Variants in PNKD observed in about 807,000 individuals in gnomAD.
PNKD encodes the protein PNKD metallo-beta-lactamase domain containing.
In PNKD, 36 loss-of-function variants were observed where a neutral mutation model predicts 45.3. The observed-to-expected ratio is 0.80, with a 90% CI of 0.61 to 1.05. The LOEUF (loss-of-function observed/expected upper bound fraction) is 1.05. PNKD is among the 50% of genes least tolerant of loss of function. PNKD has a pLI of 0.00. For missense variants in PNKD, 511 were observed against 506.6 expected, an observed-to-expected ratio of 1.01 and a Z score of -0.08; for synonymous variants, 197 against 210.1, an observed-to-expected ratio of 0.94 and a Z score of 0.54.
At chr2:218,283,902 C>T (rs1423410116) in intron 2 of PNKD, 1 of 152,224 alleles carries the variant, frequency 6.6e-6, no homozygotes, top group Non-Finnish European at 1.5e-5. Flanking sequence ...TGCGGTAACT[C>T]ACGCCTGTAA....
intron 2 of PNKD, among the ~76,000 whole-genome samples, chr2:218,315,800 A>T (rs976472837): frequency 6.6e-6 from 1 of 152,248 alleles, no homozygotes; most frequent in Non-Finnish European, 1.5e-5. Flanking sequence ...CTCATCCATC[A>T]TGTCTTTCCA....
At chr2:218,334,569 C>A in intron 2 of PNKD, 1 of 600,896 alleles carries the variant, frequency 1.7e-6, no homozygotes, top group South Asian at 2.0e-5. Flanking sequence ...GGGAGGATCG[C>A]TTGAGCCCAG....
intron 2 of PNKD, among the ~76,000 whole-genome samples, chr2:218,296,824 C>T (rs1693150621): frequency 2.0e-5 from 3 of 151,928 alleles, no homozygotes; most frequent in African/African-American, 7.3e-5. Context: ...ATTACAGGCG[C>T]CCACCACAAT....
intron 2 of PNKD, among the ~76,000 whole-genome samples, chr2:218,319,665 C>G (rs749174516): frequency 7.9e-5 from 12 of 152,236 alleles, no homozygotes; most frequent in Non-Finnish European, 1.6e-4. Context: ...TGAGCCATCG[C>G]GCTCGGCCCC....
chr2:218,314,531 T>G (rs1227810887), intron 2 of PNKD, among the ~76,000 whole-genome samples: 1 of 152,072 alleles, frequency 6.6e-6, no homozygotes, highest in Non-Finnish European at 1.5e-5. Context: ...CCACCATGCC[T>G]GGCTATACTT....
chr2:218,278,352 G>A (rs1691471136), intron 2 of PNKD: 2 of 712,094 alleles, frequency 2.8e-6, no homozygotes, highest in Middle Eastern at 2.4e-4. Context: ...AAACACACAT[G>A]GTCCTTTGTA....
In PNKD at chr2:218,345,078, A is replaced by C; in HGVS notation, c.*97A>C. ...TCTCATCGCTAACACCACCACCTCC[A>C]TCGGCACCCAAGCGGGCATCATCCC... On this transcript the variant is annotated 3_prime_UTR_variant, in exon 10 of 10. Coordinates refer to ENST00000273077, the MANE Select transcript of PNKD (RefSeq NM_015488.5). The C allele has an allele frequency of 2.8e-5, 25 of 897,282 alleles. No homozygotes were observed. Among genetic ancestry groups the C allele is most frequent in the Non-Finnish European group, 3.9e-5 (23 of 582,316 alleles). 55.6% of individuals were successfully genotyped at this position (897,282 alleles called of 1,614,324 possible). A position where few individuals can be genotyped will look rare whatever the true frequency, so the allele number is the denominator to read the frequency against.
intron 2 of PNKD, among the ~76,000 whole-genome samples, chr2:218,289,625 G>GA (rs10675061): frequency 0.081 from 7,104 of 87,748 alleles, 1,064 homozygotes; most frequent in African/African-American, 0.27. Flanking sequence ...CTGGGCGACA[G>GA]AAAAAAAAAA....
chr2:218,272,653 C>T lies in PNKD; in HGVS notation c.236+1104C>T, dbSNP rs761460268. ...AAGGACCGTGTGAAGCAGATGAAGG[C>T]TCGGCAGAACATGCGGTTGTCCAAC... On this transcript the variant is annotated intron_variant, in intron 2 of 9. Coordinates refer to ENST00000273077, the MANE Select transcript of PNKD (RefSeq NM_015488.5). 3.1e-6 allele frequency: 5 copies of T among 1,614,184 alleles called. No individual in the cohort carries two copies. In the Admixed American group the frequency reaches 8.3e-5, roughly 27 times the overall value.
At chr2:218,279,538 T>G in intron 2 of PNKD, 1 of 541,564 alleles carries the variant, frequency 1.8e-6, no homozygotes, top group South Asian at 2.5e-5. Flanking sequence ...CCCGCTCCCA[T>G]GCTCCCTGCC....
chr2:218,335,210 G>A (rs1350097890), intron 2 of PNKD, among the ~76,000 whole-genome samples: 2 of 151,942 alleles, frequency 1.3e-5, no homozygotes, highest in African/African-American at 2.4e-5. Flanking sequence ...GGCTGGGCGC[G>A]GTGGCTCACG....
At chr2:218,322,721 T>A (rs942020852) in intron 2 of PNKD, among the ~76,000 whole-genome samples, 6 of 152,252 alleles carry the variant, frequency 3.9e-5, no homozygotes, top group African/African-American at 1.4e-4. Context: ...CTTATTTGGT[T>A]CGTCGCCTCA....
intron 2 of PNKD, chr2:218,277,471 T>C: frequency 6.2e-7 from 1 of 1,613,302 alleles, no homozygotes; most frequent in African/African-American, 1.3e-5. Flanking sequence ...GAAGCAGGAG[T>C]TACAGACAAG....
intron 2 of PNKD, among the ~76,000 whole-genome samples, chr2:218,303,891 G>C (rs1467635382): frequency 6.6e-6 from 1 of 151,656 alleles, no homozygotes; most frequent in East Asian, 2.0e-4. Flanking sequence ...CACTTCTTTG[G>C]TTTCATTTGG....
At chr2:218,299,116 A>G (rs1693210532) in intron 2 of PNKD, among the ~76,000 whole-genome samples, 1 of 151,632 alleles carries the variant, frequency 6.6e-6, no homozygotes, top group Admixed American at 6.6e-5. Flanking sequence ...TATTTTATTT[A>G]TTTATTTTAT....
rs1043898466 is a variant in PNKD, at chr2:218,346,432, G to C, written c.*1451G>C. 1 of 153,834 alleles carries C rather than the reference G, an allele frequency of 6.5e-6. No individual in the cohort carries two copies. Among genetic ancestry groups the C allele is most frequent in the Non-Finnish European group, 1.5e-5 (1 of 68,142 alleles). The allele number at this position is 153,834 out of a possible 1,614,324, so 9.5% of individuals were successfully genotyped here. ...CCCCACTCACCAAGCAAGACATGCA[G>C]TTTCATGCCTCTGTGCCTTCGCTCA... On this transcript the variant is annotated 3_prime_UTR_variant, in exon 10 of 10. Coordinates refer to ENST00000273077, the MANE Select transcript of PNKD (RefSeq NM_015488.5).
intron 2 of PNKD, chr2:218,276,028 G>T: frequency 1.2e-6 from 2 of 1,612,068 alleles, no homozygotes; most frequent in South Asian, 1.1e-5. Context: ...GGACTTACCA[G>T]GGTGAAACAA....
intron 2 of PNKD, chr2:218,275,562 C>T: frequency 6.2e-7 from 1 of 1,613,910 alleles, no homozygotes. Context: ...TGATGTAGTC[C>T]TCGGGGCTGA....
chr2:218,277,865 C>A lies in PNKD; in HGVS notation c.236+6316C>A, dbSNP rs954077266. Reference sequence around the variant, plus strand: ...CCAGGACATCCTTCTGAAATGGGTCCCCATCCCTTCCCTGGGAGCAGTCTC... The same window carrying A: ...CCAGGACATCCTTCTGAAATGGGTCACCATCCCTTCCCTGGGAGCAGTCTC... On this transcript the variant is annotated intron_variant, in intron 2 of 9. Transcript: ENST00000273077. 3 of 1,604,144 alleles carry A rather than the reference C, an allele frequency of 1.9e-6. No homozygotes were observed. In the African/African-American group the frequency reaches 4.0e-5, roughly 21 times the overall value.
Sources: allele counts gnomAD v4.1 joint callset (sites outside exome capture counted in the v4.1 genomes callset), GRCh38; gene constraint gnomAD v4.1.1; transcripts MANE v1.5; gene names NCBI Gene and HGNC (gene_info 2026-07-23, HGNC 2026-07-21).